Variants in ZNF766 observed in about 807,000 individuals in gnomAD.
ZNF766 encodes the protein zinc finger protein 766.
Under a neutral mutation model 13.2 loss-of-function variants are expected in ZNF766, and 13 were observed. That is an observed-to-expected ratio of 0.98 (90% CI 0.64 to 1.56). ZNF766 has a LOEUF of 1.56. Among genes scored for constraint, ZNF766 ranks in the 40% most tolerant of loss-of-function variants. ZNF766 has a pLI of 0.00. For missense variants in ZNF766, 521 were observed against 552.2 expected (o/e 0.94, Z 0.57); for synonymous variants, 178 against 187.6 (o/e 0.95, Z 0.42).
intron 1 of ZNF766, chr19:52,274,684 G>A (rs1981116386): frequency 6.6e-6 from 1 of 152,310 alleles, no homozygotes; most frequent in Admixed American, 6.6e-5. Context: ...GTAGTGTCAG[G>A]AGTGGTGGCA....
At position 52,295,636 on chromosome 19, in the gene ZNF766, AAG is replaced by A. The variant is rs528278412; in HGVS notation, c.*4439_*4440del. Reference sequence around the variant, plus strand: ...TAAACGTTTTATTGTAAATATGAAAAAGGAAAAAATGCTTTCACTATATTAGA... The same window carrying A: ...TAAACGTTTTATTGTAAATATGAAAAGAAAAAATGCTTTCACTATATTAGA... On this transcript the variant is annotated 3_prime_UTR_variant, in exon 4 of 4. Transcript: ENST00000439461. 8 of 152,362 alleles carry A rather than the reference AAG, an allele frequency of 5.3e-5. No homozygotes were observed. In the South Asian group the frequency reaches 1.7e-3, roughly 32 times the overall value. The allele number at this position is 152,362 out of a possible 1,614,324, so 9.4% of individuals were successfully genotyped here.
chr19:52,286,132 G>A (rs1322650734), intron 3 of ZNF766, among the ~76,000 whole-genome samples: 6 of 148,984 alleles, frequency 4.0e-5, no homozygotes, highest in Admixed American at 1.3e-4. Flanking sequence ...CCTGGATCCC[G>A]GAAGAGCTCA....
chr19:52,292,006 A>T lies in ZNF766; in HGVS notation c.*808A>T. 1 of 596,862 alleles carries T rather than the reference A, an allele frequency of 1.7e-6. No individual in the cohort carries two copies. Among genetic ancestry groups the T allele is most frequent in the Non-Finnish European group, 3.0e-6 (1 of 335,984 alleles). The allele number at this position is 596,862 out of a possible 1,614,324, so 37.0% of individuals were successfully genotyped here. A position where few individuals can be genotyped will look rare whatever the true frequency, so the allele number is the denominator to read the frequency against. On this transcript the variant is annotated 3_prime_UTR_variant, in exon 4 of 4. Transcript: ENST00000439461. Reference sequence around the variant, plus strand: ...AGGATTGCTCAAGCCCAGGAGTTTGAGAGTTTGAGCAGTGAGCTCTGATCT... The same window carrying T: ...AGGATTGCTCAAGCCCAGGAGTTTGTGAGTTTGAGCAGTGAGCTCTGATCT...
chr19:52,291,145 TC>T lies in ZNF766; in HGVS notation c.1355del (p.Ser452TyrfsTer27). ...GTGTGGTAAGGTCTTTAGGCACAGT[TC>T]ATGGTTTGTACAGCATCAGAGAAGT... ...HVCGKVFRHS[S>X]WFVQHQRSVH... On this transcript the variant is annotated frameshift_variant, in exon 4 of 4. Transcript: ENST00000439461. LOFTEE classifies it low-confidence loss of function (END_TRUNC). The T allele has an allele frequency of 6.2e-7, 1 of 1,611,094 alleles. No individual in the cohort carries two copies. The highest frequency in any genetic ancestry group is 8.5e-7 in the Non-Finnish European group (1 of 1,178,304).
intron 3 of ZNF766, among the ~76,000 whole-genome samples, chr19:52,283,637 A>T (rs910903818): frequency 6.6e-6 from 1 of 152,178 alleles, no homozygotes; most frequent in Non-Finnish European, 1.5e-5. Flanking sequence ...TAAGTGGGAG[A>T]ATTGTGTGGA....
At chr19:52,277,636 C>A in intron 1 of ZNF766, 1 of 1,357,366 alleles carries the variant, frequency 7.4e-7, no homozygotes, top group Non-Finnish European at 1.0e-6. Context: ...CTGAAGCATC[C>A]TGCCTGACAG....
Position 52,290,401 on chromosome 19 carries a change from AATC to A in ZNF766, c.615_617del (p.His205del), listed in dbSNP as rs1982068652. The A allele has an allele frequency of 2.5e-6, 4 of 1,613,832 alleles. No individual in the cohort carries two copies. Among genetic ancestry groups the A allele is most frequent in the African/African-American group, 1.3e-5 (1 of 74,942 alleles). ...CTTCAGAGTGTCTTCAAGCCTTCCT[AATC>A]ATCAAGTAATCCACACTGCAGATAA... On this transcript the variant is annotated inframe_deletion, in exon 4 of 4. Transcript: ENST00000439461.
At chr19:52,277,558 A>G (rs775967302) in intron 1 of ZNF766, 1 of 1,557,822 alleles carries the variant, frequency 6.4e-7, no homozygotes, top group Admixed American at 1.9e-5. Flanking sequence ...TGATATTCTC[A>G]GTAGATTGTT....
At position 52,282,136 on chromosome 19, in the gene ZNF766, C is replaced by A. The variant is rs1981558970; in HGVS notation, c.44C>A (p.Ala15Asp). Reference protein sequence around the residue: ...RRGHLTFRDVAIEFSQEEWKC... With the variant: ...RRGHLTFRDVDIEFSQEEWKC... ...GGACACTTGACATTCAGGGACGTGGCCATAGAATTCTCTCAGGAGGAGTGG... is the reference window on the plus strand; with the variant it reads ...GGACACTTGACATTCAGGGACGTGGACATAGAATTCTCTCAGGAGGAGTGG... Residue 15 changes from alanine (A) to aspartate (D), a missense_variant, in exon 2 of 4, where the codon GCC becomes GAC. Physicochemically the swap from Ala to Asp is moderately radical, Grantham distance 126 (BLOSUM62 -2). Transcript: ENST00000439461. 1 of 1,604,542 alleles carries A rather than the reference C, an allele frequency of 6.2e-7. No individual in the cohort carries two copies. Among genetic ancestry groups the A allele is most frequent in the Admixed American group, 1.7e-5 (1 of 59,654 alleles).
intron 1 of ZNF766, 139 bp from the exon 2 acceptor site, chr19:52,281,972 A>C: frequency 9.5e-7 from 1 of 1,052,314 alleles, no homozygotes; most frequent in East Asian, 2.8e-5. Flanking sequence ...TAACTAGCTC[A>C]AAAATACCTT....
At position 52,294,144 on chromosome 19, in the gene ZNF766, C is replaced by T. The variant is rs991106950; in HGVS notation, c.*2946C>T. On this transcript the variant is annotated 3_prime_UTR_variant, in exon 4 of 4. Coordinates refer to ENST00000439461, the MANE Select transcript of ZNF766 (RefSeq NM_001010851.3). ...AGATACAGTAATATGGAAAATAGGA[C>T]AAAGTGTGGACTTCAGGATGAAAAT... The T allele has an allele frequency of 6.6e-6, 1 of 152,146 alleles. No individual in the cohort carries two copies. The highest frequency in any genetic ancestry group is 1.5e-5 in the Non-Finnish European group (1 of 68,022). 9.4% of individuals were successfully genotyped at this position (152,146 alleles called of 1,614,324 possible). A position where few individuals can be genotyped will look rare whatever the true frequency, so the allele number is the denominator to read the frequency against.
chr19:52,277,078 C>T (rs962904229), intron 1 of ZNF766: 5 of 1,001,152 alleles, frequency 5.0e-6, no homozygotes, highest in Admixed American at 1.2e-4. Flanking sequence ...GTGAGGTCTT[C>T]CCTGCGTGTG....
At position 52,290,446 on chromosome 19, in the gene ZNF766, G is replaced by C. The variant is rs749765862; in HGVS notation, c.655G>C (p.Glu219Gln). 3.1e-6 allele frequency: 5 copies of C among 1,613,822 alleles called. No homozygotes were observed. In the South Asian group the frequency reaches 4.4e-5, roughly 14 times the overall value. ...TGCAGATAAACCTAACAGATGTCATGAATGTGGTAAAACCGTCAGGGACAA... is the reference window on the plus strand; with the variant it reads ...TGCAGATAAACCTAACAGATGTCATCAATGTGGTAAAACCGTCAGGGACAA... ...HTADKPNRCH[E>Q]CGKTVRDKSG... Residue 219 changes from glutamate to glutamine, a missense_variant, in exon 4 of 4, where the codon GAA becomes CAA. Transcript: ENST00000439461.
chr19:52,270,365 A>T (rs1319217445), intron 1 of ZNF766, among the ~76,000 whole-genome samples: 1 of 152,118 alleles, frequency 6.6e-6, no homozygotes, highest in Non-Finnish European at 1.5e-5. Flanking sequence ...GAGATTTGCA[A>T]AGTGAAAGAA....
rs763515087 is a variant in ZNF766 at position 52,290,869 on chromosome 19, T to C, written c.1078T>C (p.Cys360Arg). 1.2e-5 allele frequency: 19 copies of C among 1,614,178 alleles called. No homozygotes were observed. The highest frequency in any genetic ancestry group is 1.6e-5 in the Non-Finnish European group (19 of 1,180,010). Residue 360 changes from cysteine (C) to arginine (R), a missense_variant, in exon 4 of 4, where the codon TGT becomes CGT. Physicochemically the swap from Cys to Arg is radical, Grantham distance 180. Transcript: ENST00000439461. ...AGAGAAACCTTACAAATGTAAAGAA[T>C]GTGACAAAGCTTTTAGGCACAAGTT... ...TGEKPYKCKE[C>R]DKAFRHKFSL...
intron 1 of ZNF766, among the ~76,000 whole-genome samples, chr19:52,271,083 GCCT>G (rs1359981056): frequency 6.6e-6 from 1 of 152,154 alleles, no homozygotes; most frequent in Non-Finnish European, 1.5e-5. Flanking sequence ...ACCTTGCCCG[GCCT>G]CCTCACATTT....
intron 1 of ZNF766, among the ~76,000 whole-genome samples, chr19:52,270,899 C>T (rs1980945373): frequency 6.6e-6 from 1 of 152,114 alleles, no homozygotes; most frequent in South Asian, 2.1e-4. Context: ...ATTCTCCTGC[C>T]TCAGCCACCC....
intron 3 of ZNF766, among the ~76,000 whole-genome samples, chr19:52,285,705 T>TC (rs764169169): frequency 6.6e-6 from 1 of 152,156 alleles, no homozygotes; most frequent in Non-Finnish European, 1.5e-5. Context: ...ACATCAGCAT[T>TC]CCTTCCCCCA....
chr19:52,272,356 C>T (rs1424851699), intron 1 of ZNF766, among the ~76,000 whole-genome samples: 1 of 152,200 alleles, frequency 6.6e-6, no homozygotes, highest in East Asian at 1.9e-4. Context: ...GAAGACATCT[C>T]TAAGTTTAAT....
Sources: gnomAD v4.1 joint callset for allele counts (sites outside exome capture counted in the v4.1 genomes callset) on GRCh38, gnomAD v4.1.1 for gene constraint, MANE v1.5 for transcripts, NCBI Gene and HGNC (gene_info 2026-07-23, HGNC 2026-07-21) for gene names.